DNAH6: variants seen among roughly 807,000 people sequenced by gnomAD.
DNAH6 encodes the protein dynein axonemal heavy chain 6, also known as axonemal beta dynein heavy chain 6.
DNAH6 carries 340 observed loss-of-function variants against 491.4 expected under a neutral mutation model. That is an observed-to-expected ratio of 0.69 (90% CI 0.63 to 0.76). The LOEUF (loss-of-function observed/expected upper bound fraction) is 0.76, where lower values mean the gene tolerates loss of function less well. DNAH6 is among the 30% of genes least tolerant of loss of function. The probability of loss-of-function intolerance (pLI) is 0.00; values close to 1 mark genes in which losing one functional copy is unlikely to be tolerated. For missense variants in DNAH6, 4,443 were observed against 4,972.2 expected (o/e 0.89, Z 3.20); for synonymous variants, 1,603 against 1,686.1 (o/e 0.95, Z 1.21).
intron 56 of DNAH6, among the ~76,000 whole-genome samples, 175 bp from the exon 57 acceptor site, chr2:84,712,920 T>C (rs941985643): frequency 2.6e-5 from 4 of 152,230 alleles, no homozygotes; most frequent in African/African-American, 9.6e-5. Context: ...ATAAAATGCT[T>C]ACTGGAAAAT....
intron 33 of DNAH6, among the ~76,000 whole-genome samples, chr2:84,652,741 TC>T: frequency 6.6e-6 from 1 of 152,204 alleles, no homozygotes; most frequent in African/African-American, 2.4e-5. Flanking sequence ...AGATTTAGCT[TC>T]TTTTTTCCCA....
intron 35 of DNAH6, among the ~76,000 whole-genome samples, chr2:84,655,044 A>C (rs1051344492): frequency 1.3e-5 from 2 of 152,028 alleles, no homozygotes; most frequent in African/African-American, 4.8e-5. Flanking sequence ...TTCTCCCCAG[A>C]CTAGAAACAC....
intron 54 of DNAH6, among the ~76,000 whole-genome samples, chr2:84,708,998 C>T (rs1292865040): frequency 2.0e-5 from 3 of 152,296 alleles, no homozygotes; most frequent in African/African-American, 4.8e-5. Context: ...ATTGTGATAA[C>T]CCGAAACTTC....
chr2:84,513,815 G>T (rs1675423606), upstream of DNAH6, among the ~76,000 whole-genome samples: 1 of 152,240 alleles, frequency 6.6e-6, no homozygotes, highest in African/African-American at 2.4e-5. Context: ...GAAAAACCCA[G>T]AACTAGTTTT....
Position 84,677,016 on chromosome 2 carries a change from C to T in DNAH6, c.6624C>T (p.Ile2208=). The part of the protein sequence containing the change: ...LFWKEIQDVT[I]ISACAPPGGG... ...TTCTCTGCACACAGGATGTAACAATCATATCGGCATGTGCACCTCCAGGCG... is the reference window on the plus strand; with the variant it reads ...TTCTCTGCACACAGGATGTAACAATTATATCGGCATGTGCACCTCCAGGCG... The change falls in exon 41 of 77, where the codon ATC becomes ATT. Residue 2208 remains isoleucine, a synonymous_variant. Coordinates refer to ENST00000389394, the MANE Select transcript of DNAH6 (RefSeq NM_001370.2). 1 of 1,551,828 alleles carries T rather than the reference C, an allele frequency of 6.4e-7. No individual in the cohort carries two copies. Among genetic ancestry groups the T allele is most frequent in the South Asian group, 1.2e-5 (1 of 84,056 alleles).
At chr2:84,740,320 A>T (rs1391465414) in intron 62 of DNAH6, among the ~76,000 whole-genome samples, 2 of 152,210 alleles carry the variant, frequency 1.3e-5, no homozygotes, top group Non-Finnish European at 2.9e-5. Flanking sequence ...CTAGAGAAGT[A>T]CAAAAAGCAC....
At chr2:84,813,862 G>A (rs1680237268) in intron 74 of DNAH6, 109 bp from the exon 75 acceptor site, 2 of 1,112,420 alleles carry the variant, frequency 1.8e-6, no homozygotes, top group South Asian at 1.5e-5. Flanking sequence ...TCTTCTCTGT[G>A]GTGGGAAGGC....
chr2:84,485,999 T>C, the DNAH6 span, among the ~76,000 whole-genome samples: 1 of 152,146 alleles, frequency 6.6e-6, no homozygotes, highest in African/African-American at 2.4e-5. Flanking sequence ...TGTTCAAAAA[T>C]CTTCATTCCT....
intron 13 of DNAH6, among the ~76,000 whole-genome samples, chr2:84,578,123 T>C (rs983575396): frequency 6.6e-6 from 1 of 152,160 alleles, no homozygotes; most frequent in South Asian, 2.1e-4. Flanking sequence ...CTGGCCCTTA[T>C]AGAAAACATT....
chr2:84,519,916 A>G (rs557320474), intron 2 of DNAH6, among the ~76,000 whole-genome samples: 14 of 152,036 alleles, frequency 9.2e-5, no homozygotes, highest in African/African-American at 3.1e-4. Flanking sequence ...TGTATTTGTA[A>G]TATTTTCATG....
At chr2:84,702,590 T>C (rs551298074) in intron 49 of DNAH6, among the ~76,000 whole-genome samples, 1 of 150,096 alleles carries the variant, frequency 6.7e-6, no homozygotes, top group Non-Finnish European at 1.5e-5. Context: ...TCACCCAGGC[T>C]GGAGTGCAGT....
At chr2:84,817,806 A>G (rs1034863239) in intron 76 of DNAH6, among the ~76,000 whole-genome samples, 4 of 152,138 alleles carry the variant, frequency 2.6e-5, no homozygotes, top group African/African-American at 9.7e-5. Flanking sequence ...GTCCCATGGC[A>G]AGAGAGGAAG....
intron 2 of DNAH6, among the ~76,000 whole-genome samples, chr2:84,522,840 T>C (rs1676274092): frequency 6.6e-6 from 1 of 152,132 alleles, no homozygotes; most frequent in Non-Finnish European, 1.5e-5. Flanking sequence ...GGATTAGTTT[T>C]TTATGTGCTT....
intron 26 of DNAH6, among the ~76,000 whole-genome samples, chr2:84,623,347 G>A (rs1462426839): frequency 1.3e-5 from 2 of 152,156 alleles, no homozygotes; most frequent in African/African-American, 4.8e-5. Flanking sequence ...GGTATATCTT[G>A]TAAGGACCTA....
the DNAH6 span, among the ~76,000 whole-genome samples, chr2:84,500,158 G>A: frequency 6.6e-6 from 1 of 152,156 alleles, no homozygotes; most frequent in African/African-American, 2.4e-5. Flanking sequence ...CAGTTTCATA[G>A]TCTGAAGTCT....
chr2:84,515,627 T>C (rs1454334384), upstream of DNAH6, among the ~76,000 whole-genome samples: 5 of 152,130 alleles, frequency 3.3e-5, no homozygotes, highest in Non-Finnish European at 7.4e-5. Flanking sequence ...AAGAAAATGA[T>C]GATTATGTCA....
chr2:84,810,545 G>T, intron 72 of DNAH6, among the ~76,000 whole-genome samples: 1 of 152,200 alleles, frequency 6.6e-6, no homozygotes, highest in Non-Finnish European at 1.5e-5. Context: ...ATTGCCAGAG[G>T]CCTTCCTCAC....
At chr2:84,636,988 G>A (rs75853037) in intron 30 of DNAH6, among the ~76,000 whole-genome samples, 3,320 of 152,238 alleles carry the variant, frequency 0.022, 50 homozygotes, top group Middle Eastern at 0.099. Flanking sequence ...AGACAGTTTG[G>A]GCAAGTCAGG....
chr2:84,464,298 A>C, the DNAH6 span, among the ~76,000 whole-genome samples: 2 of 152,320 alleles, frequency 1.3e-5, no homozygotes, highest in East Asian at 3.9e-4. Context: ...TCGCCAAAAC[A>C]TACCATTTAG....
Sources: allele counts gnomAD v4.1 joint callset (sites outside exome capture counted in the v4.1 genomes callset), GRCh38; gene constraint gnomAD v4.1.1; transcripts MANE v1.5; gene names NCBI Gene and HGNC (gene_info 2026-07-23, HGNC 2026-07-21).